The following MIPOL1 variants were observed in gnomAD, a reference collection of about 807,000 sequenced individuals.
The protein encoded by MIPOL1 is mirror-image polydactyly gene 1 protein.
MIPOL1 carries 57 observed loss-of-function variants against 60.9 expected under a neutral mutation model. The observed-to-expected ratio is 0.94, with a 90% CI of 0.76 to 1.17. MIPOL1 has a LOEUF of 1.17. Ranked by LOEUF, MIPOL1 falls within the 50% of genes most tolerant of loss-of-function variation. The pLI is 0.00. For synonymous variants in MIPOL1, 179 were observed against 168.8 expected (o/e 1.06, Z -0.47); for missense variants, 551 against 511.6 (o/e 1.08, Z -0.74).
At chr14:37,342,144 C>G (rs1170041609) in intron 9 of MIPOL1, among the ~76,000 whole-genome samples, 1 of 152,016 alleles carries the variant, frequency 6.6e-6, no homozygotes, top group Non-Finnish European at 1.5e-5. Flanking sequence ...GGTGAATCAT[C>G]TGAGGTCAGA....
At chr14:37,207,339 T>G (rs909720280) in intron 1 of MIPOL1, among the ~76,000 whole-genome samples, 1 of 152,146 alleles carries the variant, frequency 6.6e-6, no homozygotes, top group African/African-American at 2.4e-5. Context: ...CCATGATGAT[T>G]GTGAGGCCTC....
intron 12 of MIPOL1, among the ~76,000 whole-genome samples, chr14:37,514,586 A>C (rs1007580961): frequency 6.6e-6 from 1 of 151,744 alleles, no homozygotes; most frequent in Non-Finnish European, 1.5e-5. Flanking sequence ...CACAGATTAG[A>C]TATAATGTAT....
intron 9 of MIPOL1, among the ~76,000 whole-genome samples, chr14:37,321,347 C>A (rs978251978): frequency 2.0e-5 from 3 of 151,682 alleles, no homozygotes; most frequent in Non-Finnish European, 4.4e-5. Context: ...TTCTTTGACC[C>A]ATGAATTATT....
In MIPOL1 at chr14:37,200,903, T is replaced by A. The variant is rs76891595; in HGVS notation, c.-199+2799T>A. Reference sequence around the variant, plus strand: ...GTGTGTGTGTGTGTGTGTGTGTATTTTTTTTTTTTTTTTTTTTGAGACAAG... The same window carrying A: ...GTGTGTGTGTGTGTGTGTGTGTATTATTTTTTTTTTTTTTTTTGAGACAAG... On this transcript the variant is annotated intron_variant, in intron 1 of 12. Coordinates refer to ENST00000684589, the MANE Select transcript of MIPOL1 (RefSeq NM_001388067.1). Among the ~76,000 whole-genome samples, 176 of 80,434 alleles carry A rather than the reference T, an allele frequency of 2.2e-3. 3 individuals carry two copies. Among genetic ancestry groups the A allele is most frequent in the African/African-American group, 8.1e-3 (167 of 20,552 alleles). The allele number at this position is 80,434 out of a possible 152,430, so 52.8% of individuals were successfully genotyped here. A position where few individuals can be genotyped will look rare whatever the true frequency, so the allele number is the denominator to read the frequency against.
At chr14:37,357,641 T>C (rs532423145) in intron 9 of MIPOL1, among the ~76,000 whole-genome samples, 51 of 152,246 alleles carry the variant, frequency 3.3e-4, no homozygotes, top group African/African-American at 1.2e-3. Context: ...TTTGAGCTCC[T>C]TATATATCCT....
intron 10 of MIPOL1, among the ~76,000 whole-genome samples, chr14:37,376,398 G>A (rs1308961985): frequency 6.6e-6 from 1 of 152,104 alleles, no homozygotes; most frequent in Non-Finnish European, 1.5e-5. Flanking sequence ...ATGTCATATA[G>A]TTGGAATTAT....
chr14:37,308,454 A>G lies in MIPOL1; in HGVS notation c.763A>G (p.Lys255Glu), dbSNP rs1426400777. The G allele has an allele frequency of 6.2e-7, 1 of 1,604,688 alleles. No homozygotes were observed. Among genetic ancestry groups the G allele is most frequent in the Non-Finnish European group, 8.5e-7 (1 of 1,176,812 alleles). Residue 255 changes from lysine to glutamate, a missense_variant, in exon 9 of 13, where the codon AAA becomes GAA. By Grantham distance (56) the Lys-to-Glu change is moderately conservative. Coordinates refer to ENST00000684589, the MANE Select transcript of MIPOL1 (RefSeq NM_001388067.1). ...VDRIYKTKEC[K>E]MRITAEEMSA... ...TAGAATCTACAAGACCAAGGAATGT[A>G]AAATGAGAATAACTGCAGAAGAAAT...
chr14:37,530,307 A>T (rs974508296), intron 12 of MIPOL1, among the ~76,000 whole-genome samples: 1 of 152,214 alleles, frequency 6.6e-6, no homozygotes, highest in Non-Finnish European at 1.5e-5. Context: ...CTTTTGTGTA[A>T]CCCTAACTTA....
At chr14:37,295,031 A>G (rs2085499829) in intron 7 of MIPOL1, among the ~76,000 whole-genome samples, 1 of 152,206 alleles carries the variant, frequency 6.6e-6, no homozygotes, top group Non-Finnish European at 1.5e-5. Context: ...AATGAAGGAA[A>G]AAATGTTCAG....
rs367849632 is a variant in MIPOL1 at position 37,325,727 on chromosome 14, A to G, written c.828+17208A>G. ...CACTAGATAGGAATAGATATATGAC[A>G]TGAATATAAGGGACACCCTAGGGGA... On this transcript the variant is annotated intron_variant, in intron 9 of 12. Coordinates refer to ENST00000684589, the MANE Select transcript of MIPOL1 (RefSeq NM_001388067.1). Among the ~76,000 whole-genome samples the G allele has an allele frequency of 3.2e-4, 49 of 152,244 alleles. No homozygotes were observed. The East Asian group carries it at 8.1e-3, about 25-fold the overall frequency.
chr14:37,218,015 G>T (rs577906611), intron 1 of MIPOL1, among the ~76,000 whole-genome samples: 1 of 152,070 alleles, frequency 6.6e-6, no homozygotes, highest in South Asian at 2.1e-4. Flanking sequence ...TTTTTATCTC[G>T]TTCAGAAGTT....
chr14:37,308,891 A>G (rs1162754708), intron 9 of MIPOL1, among the ~76,000 whole-genome samples: 1 of 152,022 alleles, frequency 6.6e-6, no homozygotes, highest in Non-Finnish European at 1.5e-5. Context: ...TTTTATTCCC[A>G]GTGCCTAATT....
At chr14:37,254,050 T>C (rs1428490805) in intron 3 of MIPOL1, among the ~76,000 whole-genome samples, 1 of 151,774 alleles carries the variant, frequency 6.6e-6, no homozygotes, top group Non-Finnish European at 1.5e-5. Context: ...TGCTAGTAGC[T>C]TCTCACACAT....
At chr14:37,349,683 G>C (rs1478890831) in intron 9 of MIPOL1, among the ~76,000 whole-genome samples, 1 of 151,988 alleles carries the variant, frequency 6.6e-6, no homozygotes, top group Non-Finnish European at 1.5e-5. Context: ...TACTCTGTTG[G>C]CACTCTGTAT....
At chr14:37,532,548 A>G (rs1179028457) in intron 12 of MIPOL1, among the ~76,000 whole-genome samples, 1 of 152,208 alleles carries the variant, frequency 6.6e-6, no homozygotes, top group Non-Finnish European at 1.5e-5. Flanking sequence ...AATCAGGAAA[A>G]AAAATGAAAG....
At chr14:37,346,572 A>G (rs1171958615) in intron 9 of MIPOL1, among the ~76,000 whole-genome samples, 1 of 152,142 alleles carries the variant, frequency 6.6e-6, no homozygotes, top group Non-Finnish European at 1.5e-5. Flanking sequence ...AAACATACAC[A>G]CACAGCCTTT....
chr14:37,413,606 T>C (rs2093714754), intron 10 of MIPOL1, among the ~76,000 whole-genome samples: 1 of 152,202 alleles, frequency 6.6e-6, no homozygotes, highest in African/African-American at 2.4e-5. Context: ...TTCTCCTCTT[T>C]TCATATAACC....
chr14:37,518,248 T>C (rs2095385838), intron 12 of MIPOL1, among the ~76,000 whole-genome samples: 1 of 152,188 alleles, frequency 6.6e-6, no homozygotes, highest in South Asian at 2.1e-4. Context: ...ATAAATGTTA[T>C]TAGGAACCAA....
chr14:37,302,804 C>A (rs533356187), intron 7 of MIPOL1, among the ~76,000 whole-genome samples: 120 of 151,772 alleles, frequency 7.9e-4, no homozygotes, highest in Non-Finnish European at 1.5e-3. Flanking sequence ...ATATGTTAAT[C>A]CCTTTGTCAA....
Sources: allele counts gnomAD v4.1 joint callset (sites outside exome capture counted in the v4.1 genomes callset), GRCh38; gene constraint gnomAD v4.1.1; transcripts MANE v1.5; gene names NCBI Gene and HGNC (gene_info 2026-07-23, HGNC 2026-07-21).